Variants in RPS6KA5 observed in about 807,000 individuals in gnomAD.
RPS6KA5 encodes the protein ribosomal protein S6 kinase A5, also known as ribosomal protein S6 kinase alpha-5.
In RPS6KA5, 27 loss-of-function variants were observed where a neutral mutation model predicts 85.5. The observed-to-expected ratio is 0.32, with a 90% CI of 0.23 to 0.44. The LOEUF is 0.44. Ranked by LOEUF, RPS6KA5 falls within the 20% of genes least tolerant of loss-of-function variation. The pLI is 1.00. For missense variants in RPS6KA5, 811 were observed against 980.9 expected (o/e 0.83, Z 2.31); for synonymous variants, 334 against 348.2 (o/e 0.96, Z 0.46).
At chr14:90,916,474 C>T (rs2036123363) in intron 7 of RPS6KA5, among the ~76,000 whole-genome samples, 1 of 151,998 alleles carries the variant, frequency 6.6e-6, no homozygotes, top group Non-Finnish European at 1.5e-5. Flanking sequence ...ATGCAGAGTT[C>T]AGGGAAGATC....
chr14:90,987,612 G>A (rs950544408), intron 2 of RPS6KA5, among the ~76,000 whole-genome samples: 3 of 152,164 alleles, frequency 2.0e-5, no homozygotes, highest in Non-Finnish European at 4.4e-5. Context: ...GGGGAAAGCA[G>A]CCCAAAGACC....
At chr14:90,928,677 T>C (rs2036809785) in intron 5 of RPS6KA5, among the ~76,000 whole-genome samples, 1 of 148,752 alleles carries the variant, frequency 6.7e-6, no homozygotes, top group South Asian at 2.1e-4. Context: ...ACTCTAAATA[T>C]ACTTGTAAAT....
intron 5 of RPS6KA5, among the ~76,000 whole-genome samples, chr14:90,939,290 C>T (rs143623559): frequency 5.0e-4 from 76 of 152,306 alleles, no homozygotes; most frequent in Middle Eastern, 3.4e-3. Flanking sequence ...TCATTATCAG[C>T]ATTTTACTCA....
chr14:90,863,800 T>C lies in RPS6KA5; in HGVS notation c.*8274A>G, dbSNP rs890863122. The C allele has an allele frequency of 6.6e-5, 10 of 152,208 alleles. No individual in the cohort carries two copies. The highest frequency in any genetic ancestry group is 1.9e-4 in the African/African-American group (8 of 41,456). The allele number at this position is 152,208 out of a possible 1,614,324, so 9.4% of individuals were successfully genotyped here. On this transcript the variant is annotated 3_prime_UTR_variant, in exon 17 of 17. Coordinates refer to ENST00000614987, the MANE Select transcript of RPS6KA5 (RefSeq NM_004755.4). Reference sequence around the variant, plus strand: ...ATTGGAAAACTCAAAATTGGTAAGATATAATTTCTCCTGAAATTGATTTAT... The same window carrying C: ...ATTGGAAAACTCAAAATTGGTAAGACATAATTTCTCCTGAAATTGATTTAT...
chr14:91,026,661 C>T (rs941113471), intron 1 of RPS6KA5, among the ~76,000 whole-genome samples: 5 of 152,226 alleles, frequency 3.3e-5, no homozygotes, highest in Admixed American at 1.3e-4. Context: ...TAGGCACATA[C>T]TCAGTAATGG....
At chr14:90,987,531 A>C (rs1028823888) in intron 2 of RPS6KA5, among the ~76,000 whole-genome samples, 1 of 152,230 alleles carries the variant, frequency 6.6e-6, no homozygotes, top group Non-Finnish European at 1.5e-5. Flanking sequence ...CTTATCAGGA[A>C]TATTCATAGA....
chr14:90,975,366 T>C (rs1230644945), intron 3 of RPS6KA5, among the ~76,000 whole-genome samples: 3 of 152,248 alleles, frequency 2.0e-5, no homozygotes, highest in African/African-American at 7.2e-5. Flanking sequence ...AAACTCATTA[T>C]GTTGAAGTCC....
chr14:90,994,343 T>C (rs1026123232), intron 2 of RPS6KA5, among the ~76,000 whole-genome samples: 4 of 152,152 alleles, frequency 2.6e-5, no homozygotes, highest in Non-Finnish European at 4.4e-5. Context: ...TTGTTTTTTT[T>C]TCACTCCTAG....
At chr14:90,931,420 GA>G (rs1426839343) in intron 5 of RPS6KA5, among the ~76,000 whole-genome samples, 3 of 152,052 alleles carry the variant, frequency 2.0e-5, no homozygotes, top group Non-Finnish European at 4.4e-5. Flanking sequence ...TTTGCAAGAT[GA>G]AAAAGTGCTA....
chr14:91,004,873 C>G (rs2040945500), intron 1 of RPS6KA5, among the ~76,000 whole-genome samples: 1 of 151,788 alleles, frequency 6.6e-6, no homozygotes, highest in African/African-American at 2.4e-5. Flanking sequence ...GAGGCTGAGG[C>G]AGGAGAATGG....
intron 1 of RPS6KA5, among the ~76,000 whole-genome samples, chr14:91,004,089 T>G (rs1422501504): frequency 6.6e-6 from 1 of 152,178 alleles, no homozygotes; most frequent in Non-Finnish European, 1.5e-5. Context: ...TTTTGTTTTG[T>G]TTTTTGATTT....
intron 2 of RPS6KA5, among the ~76,000 whole-genome samples, chr14:90,987,060 G>C (rs762012035): frequency 6.6e-6 from 1 of 152,146 alleles, no homozygotes; most frequent in African/African-American, 2.4e-5. Context: ...CCTTCATATG[G>C]AATCATCTTT....
rs1178944220 is a variant in RPS6KA5, at chr14:91,055,602, T to A, written c.103+4730A>T. Among the ~76,000 whole-genome samples the A allele has an allele frequency of 2.6e-5, 4 of 152,144 alleles. No homozygotes were observed. The East Asian group carries it at 7.7e-4, about 29-fold the overall frequency. ...GGAGACCAGTGTGAGCATAATGAGA[T>A]CCTGTCTCTACAAAAAAATAATAAA... On this transcript the variant is annotated intron_variant, in intron 1 of 16. Coordinates refer to ENST00000614987, the MANE Select transcript of RPS6KA5 (RefSeq NM_004755.4).
Position 90,866,795 on chromosome 14 carries a change from A to G in RPS6KA5, c.*5279T>C, listed in dbSNP as rs2032820219. On this transcript the variant is annotated 3_prime_UTR_variant, in exon 17 of 17. Transcript: ENST00000614987. ...TCATGCCTGTGAAGTTTTTAGGAATATTTTTCAAAACTTTAGTACTGAGGC... is the reference window on the plus strand; with the variant it reads ...TCATGCCTGTGAAGTTTTTAGGAATGTTTTTCAAAACTTTAGTACTGAGGC... 1 of 152,180 alleles carries G rather than the reference A, an allele frequency of 6.6e-6. No homozygotes were observed. Among genetic ancestry groups the G allele is most frequent in the Admixed American group, 6.5e-5 (1 of 15,270 alleles). 9.4% of individuals were successfully genotyped at this position (152,180 alleles called of 1,614,324 possible).
chr14:90,998,782 C>A (rs1014412694), intron 2 of RPS6KA5, among the ~76,000 whole-genome samples: 4 of 152,154 alleles, frequency 2.6e-5, no homozygotes, highest in African/African-American at 9.7e-5. Flanking sequence ...TGGGAATAAA[C>A]TATTCATTTT....
At chr14:90,980,182 C>T (rs2039733040) in intron 2 of RPS6KA5, among the ~76,000 whole-genome samples, 1 of 152,100 alleles carries the variant, frequency 6.6e-6, no homozygotes, top group African/African-American at 2.4e-5. Flanking sequence ...TCAGAAGCAA[C>T]AAAATGAAGC....
In RPS6KA5 at chr14:90,855,349, G is replaced by C. The variant is rs1256535636; in HGVS notation, c.*16725C>G. 1 of 152,196 alleles carries C rather than the reference G, an allele frequency of 6.6e-6. No homozygotes were observed. Among genetic ancestry groups the C allele is most frequent in the Non-Finnish European group, 1.5e-5 (1 of 68,018 alleles). The allele number at this position is 152,196 out of a possible 1,614,324, so 9.4% of individuals were successfully genotyped here. On this transcript the variant is annotated 3_prime_UTR_variant, in exon 17 of 17. Transcript: ENST00000614987. ...CAAATGAGCCTGCTTCTGAGACAAA[G>C]TTAACATAGGTAAGATGAGAGAGAT...
chr14:91,023,569 G>A (rs2041873369), intron 1 of RPS6KA5, among the ~76,000 whole-genome samples: 1 of 152,136 alleles, frequency 6.6e-6, no homozygotes, highest in South Asian at 2.1e-4. Flanking sequence ...ACCGGCATGA[G>A]CCACCGTGCC....
intron 3 of RPS6KA5, among the ~76,000 whole-genome samples, chr14:90,959,152 G>GGA (rs1403578190): frequency 6.6e-6 from 1 of 152,252 alleles, no homozygotes; most frequent in African/African-American, 2.4e-5. Flanking sequence ...TGAATTAGGG[G>GGA]GGTGGGGCAG....
Sources: gnomAD v4.1 joint callset for allele counts (sites outside exome capture counted in the v4.1 genomes callset) on GRCh38, gnomAD v4.1.1 for gene constraint, MANE v1.5 for transcripts, NCBI Gene and HGNC (gene_info 2026-07-23, HGNC 2026-07-21) for gene names.